The following GMDS variants were observed in gnomAD, a reference collection of about 807,000 sequenced individuals.
GMDS encodes GDP-mannose 4,6 dehydratase.
Under a neutral mutation model 49.9 loss-of-function variants are expected in GMDS, and 20 were observed. That is an observed-to-expected ratio of 0.40 (90% CI 0.28 to 0.58). GMDS has a LOEUF of 0.58. GMDS is among the 20% of genes least tolerant of loss of function. GMDS has a pLI of 0.42. For missense variants in GMDS, 362 were observed against 481.4 expected (o/e 0.75, Z 2.32); for synonymous variants, 177 against 178.6 (o/e 0.99, Z 0.07).
chr6:2,139,841 G>A (rs903169726), intron 1 of GMDS, among the ~76,000 whole-genome samples: 4 of 152,150 alleles, frequency 2.6e-5, no homozygotes, highest in Non-Finnish European at 5.9e-5. Flanking sequence ...AAACTACTTT[G>A]CAATGAAAAG....
chr6:1,763,079 C>A (rs953562712), intron 7 of GMDS, among the ~76,000 whole-genome samples: 6 of 152,178 alleles, frequency 3.9e-5, no homozygotes, highest in Non-Finnish European at 4.4e-5. Flanking sequence ...GCTCAATCTT[C>A]GGTTCCCATT....
At chr6:1,650,338 T>C (rs1385870371) in intron 9 of GMDS, among the ~76,000 whole-genome samples, 1 of 152,160 alleles carries the variant, frequency 6.6e-6, no homozygotes, top group Non-Finnish European at 1.5e-5. Context: ...ATTATATGCT[T>C]ATTTCTTCCT....
intron 7 of GMDS, among the ~76,000 whole-genome samples, chr6:1,851,653 G>A (rs1026578777): frequency 6.6e-6 from 1 of 152,072 alleles, no homozygotes; most frequent in East Asian, 1.9e-4. Flanking sequence ...GTGATCACCA[G>A]TATTCCAGTA....
chr6:2,066,302 A>G (rs540839519), intron 4 of GMDS, among the ~76,000 whole-genome samples: 8,466 of 145,866 alleles, frequency 0.058, 722 homozygotes, highest in African/African-American at 0.19. Context: ...GGTACCAGCC[A>G]CTGCAAAATC....
chr6:2,201,594 G>A (rs185001775), intron 1 of GMDS, among the ~76,000 whole-genome samples: 50 of 130,316 alleles, frequency 3.8e-4, no homozygotes, highest in African/African-American at 1.3e-3. Flanking sequence ...GAGAGGTGAA[G>A]GATGAAGACA....
chr6:1,736,591 T>C (rs1273792198), intron 8 of GMDS, among the ~76,000 whole-genome samples: 1 of 152,156 alleles, frequency 6.6e-6, no homozygotes, highest in East Asian at 1.9e-4. Flanking sequence ...CATCACTCAG[T>C]GTCACAGATT....
intron 4 of GMDS, among the ~76,000 whole-genome samples, chr6:2,038,823 T>C (rs563714445): frequency 6.6e-6 from 1 of 152,302 alleles, no homozygotes; most frequent in South Asian, 2.1e-4. Flanking sequence ...AGTTGCTCAT[T>C]AATGGCAGAA....
rs1489283662 is a variant in GMDS, at chr6:1,836,838, G to A, written c.771+93265C>T. On this transcript the variant is annotated intron_variant, in intron 7 of 10. Coordinates refer to ENST00000380815, the MANE Select transcript of GMDS (RefSeq NM_001500.4). The surrounding 1 kb of genome is among the most constrained non-coding windows in gnomAD (Gnocchi z 4.2). ...CACAAAGTTACAATTTCTGTGCAGA[G>A]CAAGAGCTGTCAGGAAAAAGGTAAT... 1.3e-5 allele frequency among the ~76,000 whole-genome samples: 2 copies of A among 152,208 alleles called. No individual in the cohort carries two copies. The highest frequency in any genetic ancestry group is 4.8e-5 in the African/African-American group (2 of 41,446).
chr6:2,241,613 G>A lies in GMDS; in HGVS notation c.102+3708C>T, dbSNP rs1162584902. ...TAATGAGTGACTCCTCACTCTATTA[G>A]CTCCCGCTAGAGCCGGTTGTTAAAA... is the stretch of plus-strand genomic sequence containing the variant. On this transcript the variant is annotated intron_variant, in intron 1 of 10. Transcript: ENST00000380815. 2.6e-5 allele frequency among the ~76,000 whole-genome samples: 4 copies of A among 152,120 alleles called. No homozygotes were observed. The East Asian group carries it at 7.8e-4, about 29-fold the overall frequency.
Position 1,836,690 on chromosome 6 carries a change from T to C in GMDS, c.771+93413A>G, listed in dbSNP as rs1393312344. Among the ~76,000 whole-genome samples the C allele has an allele frequency of 2.0e-5, 3 of 152,242 alleles. No homozygotes were observed. Among genetic ancestry groups the C allele is most frequent in the East Asian group, 1.9e-4 (1 of 5,206 alleles). On this transcript the variant is annotated intron_variant, in intron 7 of 10. Coordinates refer to ENST00000380815, the MANE Select transcript of GMDS (RefSeq NM_001500.4). This position sits in a 1 kb window ranked among gnomAD's most constrained non-coding sequence, Gnocchi z 4.2. Reference sequence around the variant, plus strand: ...GTTACATTAACATGTGTTTCTTCACTGAATTTCGTATGGTTTCCCCTCTTC... The same window carrying C: ...GTTACATTAACATGTGTTTCTTCACCGAATTTCGTATGGTTTCCCCTCTTC...
intron 7 of GMDS, among the ~76,000 whole-genome samples, chr6:1,896,974 T>C (rs148454148): frequency 6.6e-6 from 1 of 152,284 alleles, no homozygotes; most frequent in East Asian, 1.9e-4. Context: ...CTAGGCTGAT[T>C]TCCCAGTTTT....
rs577133542 is a variant in GMDS at position 1,933,982 on chromosome 6, T to C, written c.644-3752A>G. ...CCAAGGTCATGAAGATTTATTCCTATATATTTTTATGAGTTTTATAGTTTT... is the reference window on the plus strand; with the variant it reads ...CCAAGGTCATGAAGATTTATTCCTACATATTTTTATGAGTTTTATAGTTTT... On this transcript the variant is annotated intron_variant, in intron 6 of 10. Transcript: ENST00000380815. Among the ~76,000 whole-genome samples, 3 of 152,348 alleles carry C rather than the reference T, an allele frequency of 2.0e-5. No homozygotes were observed. The East Asian group carries it at 5.8e-4, about 29-fold the overall frequency.
intron 4 of GMDS, among the ~76,000 whole-genome samples, chr6:2,065,405 G>A (rs1322760045): frequency 1.4e-4 from 22 of 152,314 alleles, no homozygotes; most frequent in African/African-American, 4.8e-4. Context: ...CACCAGCAAT[G>A]GAACAAAGCT....
chr6:2,196,616 T>C (rs572699410), intron 1 of GMDS, among the ~76,000 whole-genome samples: 4 of 152,354 alleles, frequency 2.6e-5, no homozygotes, highest in Admixed American at 1.3e-4. Flanking sequence ...ACCTCTTGCC[T>C]AGTTCTGGAC....
chr6:2,129,881 C>A (rs1354627179), intron 1 of GMDS, among the ~76,000 whole-genome samples: 1 of 152,164 alleles, frequency 6.6e-6, no homozygotes, highest in Non-Finnish European at 1.5e-5. Flanking sequence ...AATCATTGGA[C>A]AAAATCTCTG....
At chr6:2,176,080 A>G (rs900198018) in intron 1 of GMDS, 1 of 1,057,448 alleles carries the variant, frequency 9.5e-7, no homozygotes, top group Non-Finnish European at 1.4e-6. Flanking sequence ...CTAAATGCAC[A>G]CTGACAACAT....
At chr6:2,131,776 G>C (rs571123072) in intron 1 of GMDS, among the ~76,000 whole-genome samples, 23 of 151,490 alleles carry the variant, frequency 1.5e-4, no homozygotes, top group East Asian at 9.7e-4. Context: ...GCATGCCCAA[G>C]GCATACAGTA....
rs1224593895 is a variant in GMDS at position 1,713,871 on chromosome 6, T to C, written c.987+12545A>G. 4.6e-5 allele frequency among the ~76,000 whole-genome samples: 7 copies of C among 152,222 alleles called. No individual in the cohort carries two copies. In the East Asian group the frequency reaches 1.3e-3, roughly 29 times the overall value. ...AAGACAGGCATACTCAATCAGGCCA[T>C]TTCTCTTCATGTGGGAATTAGATAC... On this transcript the variant is annotated intron_variant, in intron 9 of 10. Transcript: ENST00000380815.
At chr6:1,651,836 G>A (rs762069214) in intron 9 of GMDS, among the ~76,000 whole-genome samples, 2 of 152,220 alleles carry the variant, frequency 1.3e-5, no homozygotes, top group Admixed American at 6.5e-5. Flanking sequence ...AACAATATTC[G>A]CTTGTTCCTA....
Sources: allele counts gnomAD v4.1 joint callset (sites outside exome capture counted in the v4.1 genomes callset), GRCh38; gene constraint gnomAD v4.1.1; non-coding constraint Gnocchi (gnomAD v3.1); transcripts MANE v1.5; gene names NCBI Gene and HGNC (gene_info 2026-07-23, HGNC 2026-07-21).